Variants in SDHB observed in about 807,000 individuals in gnomAD.
The protein encoded by SDHB is succinate dehydrogenase complex iron sulfur subunit B.
SDHB carries 21 observed loss-of-function variants against 39.7 expected under a neutral mutation model. The observed-to-expected ratio is 0.53, with a 90% confidence interval of 0.37 to 0.76. The LOEUF (loss-of-function observed/expected upper bound fraction) is 0.76, where lower values mean the gene tolerates loss of function less well. Ranked by LOEUF, SDHB falls within the 30% of genes least tolerant of loss-of-function variation. The pLI is 0.00. For missense variants in SDHB, 343 were observed against 350.9 expected, an observed-to-expected ratio of 0.98 and a Z score of 0.18; for synonymous variants, 118 against 117.0, an observed-to-expected ratio of 1.01 and a Z score of -0.06.
intron 4 of SDHB, among the ~76,000 whole-genome samples, chr1:17,028,383 A>C (rs763284206): frequency 6.6e-6 from 1 of 152,192 alleles, no homozygotes; most frequent in East Asian, 1.9e-4. Flanking sequence ...AACTCTGGCC[A>C]CACTGTCTCA....
chr1:17,051,998 C>T (rs1213032959), intron 1 of SDHB, among the ~76,000 whole-genome samples: 1 of 128,344 alleles, frequency 7.8e-6, no homozygotes, highest in Non-Finnish European at 1.7e-5. Flanking sequence ...CCCACCACCA[C>T]GCCCAGCTAA....
chr1:17,042,809 C>T (rs1557745883), intron 2 of SDHB, among the ~76,000 whole-genome samples: 1 of 151,864 alleles, frequency 6.6e-6, no homozygotes, highest in Non-Finnish European at 1.5e-5. Flanking sequence ...CCAGTTTTAG[C>T]CACATTCTCT....
At chr1:17,050,743 C>A (rs2078141386) in intron 1 of SDHB, among the ~76,000 whole-genome samples, 1 of 151,994 alleles carries the variant, frequency 6.6e-6, no homozygotes, top group Admixed American at 6.6e-5. Context: ...ATCAAAATCA[C>A]CAGAGTGGTC....
rs772798766 is a variant in SDHB, at chr1:17,022,730, C to T, written c.643G>A (p.Ala215Thr). Reference sequence around the variant, plus strand: ...CTGGAGTCAATCATCCAGCGATAGGCCTGGAAAACCAGGGATGATTAGCTG... The same window carrying T: ...CTGGAGTCAATCATCCAGCGATAGGTCTGGAAAACCAGGGATGATTAGCTG... ...KYLGPAVLMQ[A>T]YRWMIDSRDD... Residue 215 changes from alanine (A) to threonine (T), a missense_variant and splice_region_variant, in exon 7 of 8, where the codon GCC becomes ACC. Coordinates refer to ENST00000375499, the MANE Select transcript of SDHB (RefSeq NM_003000.3). The T allele has an allele frequency of 6.2e-7, 1 of 1,613,232 alleles. No homozygotes were observed. The highest frequency in any genetic ancestry group is 8.5e-7 in the Non-Finnish European group (1 of 1,179,434).
chr1:17,035,415 C>G (rs528708442), intron 2 of SDHB, among the ~76,000 whole-genome samples: 1 of 152,314 alleles, frequency 6.6e-6, no homozygotes, highest in Non-Finnish European at 1.5e-5. Flanking sequence ...ATATTTAATA[C>G]TGGGAACTTA....
chr1:17,033,015 G>A (rs763787376), intron 3 of SDHB, 45 bp downstream of exon 3: 2 of 1,482,748 alleles, frequency 1.3e-6, no homozygotes, highest in Non-Finnish European at 9.4e-7. Flanking sequence ...AAGCCTCTTT[G>A]GAAGACCACA....
chr1:17,022,459 T>G, intron 7 of SDHB, 149 bp downstream of exon 7: 1 of 1,122,164 alleles, frequency 8.9e-7, no homozygotes. Context: ...AACTAGCCCC[T>G]AGGCTCACAC....
chr1:17,045,067 TATATC>T, intron 1 of SDHB, 179 bp from the exon 2 acceptor site: 1 of 616,926 alleles, frequency 1.6e-6, no homozygotes, highest in African/African-American at 1.8e-5. Context: ...CATATGCTAA[TATATC>T]AGACATGGTA....
chr1:17,033,030 T>C (rs2101528771), intron 3 of SDHB, 30 bp downstream of exon 3: 2 of 1,566,064 alleles, frequency 1.3e-6, no homozygotes, highest in Non-Finnish European at 1.8e-6. Context: ...ACCACAAGTA[T>C]CTGGAGCCCA....
chr1:17,051,912 G>A (rs914750544), intron 1 of SDHB, among the ~76,000 whole-genome samples: 1 of 151,346 alleles, frequency 6.6e-6, no homozygotes, highest in Non-Finnish European at 1.5e-5. Context: ...TGCGATTTCA[G>A]CTCACTGCAC....
intron 1 of SDHB, among the ~76,000 whole-genome samples, chr1:17,051,158 A>G (rs1304136180): frequency 2.0e-5 from 3 of 152,244 alleles, no homozygotes; most frequent in African/African-American, 2.4e-5. Context: ...CAATGAGACT[A>G]TATGATTTTT....
intron 1 of SDHB, among the ~76,000 whole-genome samples, chr1:17,050,141 T>A (rs2078137034): frequency 6.6e-6 from 1 of 152,198 alleles, no homozygotes; most frequent in Non-Finnish European, 1.5e-5. Flanking sequence ...ATTGATCACG[T>A]ATTATCTTTC....
intron 3 of SDHB, 92 bp from the exon 4 acceptor site, chr1:17,028,828 T>A: frequency 6.9e-7 from 1 of 1,455,248 alleles, no homozygotes; most frequent in East Asian, 2.3e-5. Flanking sequence ...TGCTGTGCCA[T>A]CAGGGGCAGC....
intron 2 of SDHB, among the ~76,000 whole-genome samples, chr1:17,036,199 TAAC>T (rs2078049595): frequency 6.6e-6 from 1 of 152,214 alleles, no homozygotes; most frequent in South Asian, 2.1e-4. Context: ...ACTGCCTCCT[TAAC>T]AACATTAAGT....
intron 3 of SDHB, among the ~76,000 whole-genome samples, chr1:17,031,181 T>G (rs574196212): frequency 1.3e-5 from 2 of 152,162 alleles, no homozygotes; most frequent in African/African-American, 4.8e-5. Flanking sequence ...AGATGTGTCT[T>G]AAGCAAATAC....
intron 5 of SDHB, among the ~76,000 whole-genome samples, chr1:17,026,049 C>G (rs1349079854): frequency 1.3e-5 from 2 of 152,254 alleles, no homozygotes; most frequent in Non-Finnish European, 2.9e-5. Flanking sequence ...GAATACTCAA[C>G]TTGTATCTAG....
chr1:17,020,792 C>T (rs990008801), intron 7 of SDHB, among the ~76,000 whole-genome samples: 1 of 152,234 alleles, frequency 6.6e-6, no homozygotes, highest in Non-Finnish European at 1.5e-5. Flanking sequence ...TGGTAAACCA[C>T]AGTCCTGGGG....
chr1:17,032,690 C>T (rs2078029947), intron 3 of SDHB: 1 of 335,944 alleles, frequency 3.0e-6, no homozygotes, highest in South Asian at 2.6e-5. Flanking sequence ...ACACATCTCC[C>T]CTGCTGGACA....
chr1:17,042,216 C>A (rs775087896), intron 2 of SDHB, among the ~76,000 whole-genome samples: 1 of 152,128 alleles, frequency 6.6e-6, no homozygotes, highest in Non-Finnish European at 1.5e-5. Context: ...CTGTTAGTCC[C>A]GTTACTTCCC....
Sources: gnomAD v4.1 joint callset for allele counts (sites outside exome capture counted in the v4.1 genomes callset) on GRCh38, gnomAD v4.1.1 for gene constraint, MANE v1.5 for transcripts, NCBI Gene and HGNC (gene_info 2026-07-23, HGNC 2026-07-21) for gene names.